The following STYXL2 variants were observed in gnomAD, a reference collection of about 807,000 sequenced individuals.
The protein encoded by STYXL2 is serine/threonine/tyrosine interacting like 2.
A neutral mutation model predicts 52.4 loss-of-function variants in STYXL2; 44 were observed. That is an observed-to-expected ratio of 0.84 (90% confidence interval 0.66 to 1.08). The LOEUF is 1.08. STYXL2 is among the 50% of genes least tolerant of loss of function. The pLI is 0.00. For synonymous variants in STYXL2, 604 were observed against 586.9 expected, an observed-to-expected ratio of 1.03 and a Z score of -0.42; for missense variants, 1,604 against 1,471.7, an observed-to-expected ratio of 1.09 and a Z score of -1.47.
At chr1:167,114,717 T>C (rs1479251239) in intron 3 of STYXL2, among the ~76,000 whole-genome samples, 1 of 152,158 alleles carries the variant, frequency 6.6e-6, no homozygotes, top group Non-Finnish European at 1.5e-5. Context: ...CTGGGCACTC[T>C]AGGAGGCCCC....
intron 5 of STYXL2, among the ~76,000 whole-genome samples, chr1:167,122,841 A>C (rs1667887456): frequency 1.3e-5 from 2 of 151,810 alleles, no homozygotes; most frequent in Admixed American, 1.3e-4. Context: ...TAATTTTTGT[A>C]TTTTCAGTAT....
At chr1:167,107,667 A>G (rs1018082785) in intron 2 of STYXL2, among the ~76,000 whole-genome samples, 4 of 152,368 alleles carry the variant, frequency 2.6e-5, no homozygotes, top group Middle Eastern at 3.4e-3. Context: ...GAAATTATCT[A>G]TGAAACATTT....
At chr1:167,098,684 C>T (rs764782603) in intron 2 of STYXL2, among the ~76,000 whole-genome samples, 1 of 152,136 alleles carries the variant, frequency 6.6e-6, no homozygotes, top group African/African-American at 2.4e-5. Context: ...GATTTGAAGA[C>T]TGGAGATGCC....
intron 2 of STYXL2, among the ~76,000 whole-genome samples, chr1:167,111,061 A>C (rs1395397131): frequency 6.6e-6 from 1 of 152,196 alleles, no homozygotes; most frequent in Admixed American, 6.5e-5. Flanking sequence ...CAAAGAAAAA[A>C]AGAATTTTTG....
intron 3 of STYXL2, among the ~76,000 whole-genome samples, chr1:167,114,441 G>A (rs941518374): frequency 1.3e-5 from 2 of 152,136 alleles, no homozygotes; most frequent in Non-Finnish European, 2.9e-5. Flanking sequence ...TCACAACTCT[G>A]GTGAGATGGG....
Position 167,127,166 on chromosome 1 carries a change from C to T in STYXL2, c.2035C>T (p.Leu679=), listed in dbSNP as rs771500645. The part of the protein sequence containing the change: ...VSADGDTTSV[L]STQSHRSHLS... Reference sequence around the variant, plus strand: ...CGCTGATGGGGACACGACGTCAGTACTGAGCACCCAGAGCCACCGCTCCCA... The same window carrying T: ...CGCTGATGGGGACACGACGTCAGTATTGAGCACCCAGAGCCACCGCTCCCA... Residue 679 remains leucine (L), a synonymous_variant, in exon 6 of 6, where the codon CTG becomes TTG. Coordinates refer to ENST00000361200, the MANE Select transcript of STYXL2 (RefSeq NM_001080426.3). 6.2e-7 allele frequency: 1 copy of T among 1,614,166 alleles called. No homozygotes were observed. The highest frequency in any genetic ancestry group is 1.1e-5 in the South Asian group (1 of 91,082).
At position 167,128,532 on chromosome 1, in the gene STYXL2, A is replaced by G; in HGVS notation, c.3401A>G (p.Asp1134Gly). Residue 1134 changes from aspartate to glycine, a missense_variant, in exon 6 of 6, where the codon GAT becomes GGT. Transcript: ENST00000361200. ...TDREEEEEMDDEAIIAAWRRR... is the reference protein window; with the variant it reads ...TDREEEEEMDGEAIIAAWRRR... ...AGGGAGGAAGAGGAAGAAATGGACG[A>G]TGAAGCCATCATTGCTGCTTGGAGA... The G allele has an allele frequency of 1.2e-6, 2 of 1,614,014 alleles. No homozygotes were observed. The highest frequency in any genetic ancestry group is 1.7e-6 in the Non-Finnish European group (2 of 1,180,028).
At chr1:167,109,931 T>G (rs1370850204) in intron 2 of STYXL2, among the ~76,000 whole-genome samples, 2 of 152,162 alleles carry the variant, frequency 1.3e-5, no homozygotes, top group Admixed American at 6.5e-5. Flanking sequence ...ACGAGTGCAG[T>G]AAACAAACCT....
At chr1:167,121,118 T>C (rs1228388352) in intron 5 of STYXL2, among the ~76,000 whole-genome samples, 1 of 151,584 alleles carries the variant, frequency 6.6e-6, no homozygotes, top group Non-Finnish European at 1.5e-5. Context: ...GTTCAAGCGA[T>C]TCTTCTGCCT....
chr1:167,098,200 C>A (rs189661554), intron 2 of STYXL2, among the ~76,000 whole-genome samples: 1 of 151,832 alleles, frequency 6.6e-6, no homozygotes, highest in Non-Finnish European at 1.5e-5. Flanking sequence ...TTAGTAGAGA[C>A]GGGGTTTCAC....
rs759998805 is a variant in STYXL2 at position 167,126,447 on chromosome 1, C to T, written c.1316C>T (p.Ala439Val). Reference protein sequence around the residue: ...RRRRTLSESSAWESVSSHDIW... With the variant: ...RRRRTLSESSVWESVSSHDIW... ...CGGCGCACCCTGAGCGAGAGCAGCG[C>T]CTGGGAGAGCGTGAGCAGCCACGAC... is the stretch of plus-strand genomic sequence containing the variant. The change falls in exon 6 of 6, where the codon GCC becomes GTC. Residue 439 changes from alanine (A) to valine (V), a missense_variant. Ala to Val is a moderately conservative substitution (Grantham distance 64). Transcript: ENST00000361200. The T allele has an allele frequency of 2.5e-6, 4 of 1,580,692 alleles. No individual in the cohort carries two copies. Among genetic ancestry groups the T allele is most frequent in the Non-Finnish European group, 1.7e-6 (2 of 1,163,962 alleles).
At chr1:167,103,039 C>A in intron 2 of STYXL2, among the ~76,000 whole-genome samples, 1 of 148,956 alleles carries the variant, frequency 6.7e-6, no homozygotes, top group African/African-American at 2.5e-5. Context: ...TCCAAAGACT[C>A]TAGGGAAGAC....
chr1:167,102,275 G>T lies in STYXL2; in HGVS notation c.110+7316G>T, dbSNP rs887063819. Among the ~76,000 whole-genome samples the T allele has an allele frequency of 4.0e-5, 6 of 150,768 alleles. No homozygotes were observed. In the South Asian group the frequency reaches 1.0e-3, roughly 26 times the overall value. On this transcript the variant is annotated intron_variant, in intron 2 of 5. Coordinates refer to ENST00000361200, the MANE Select transcript of STYXL2 (RefSeq NM_001080426.3). Reference sequence around the variant, plus strand: ...TGTATATTTTAAATTTGTGCAGTTTGTATATCAATAATAAAGCTGTTTTTT... The same window carrying T: ...TGTATATTTTAAATTTGTGCAGTTTTTATATCAATAATAAAGCTGTTTTTT...
intron 2 of STYXL2, among the ~76,000 whole-genome samples, chr1:167,105,793 A>G (rs930573951): frequency 6.6e-6 from 1 of 152,200 alleles, no homozygotes; most frequent in African/African-American, 2.4e-5. Context: ...TGTAATCTAC[A>G]TTGTACATTC....
At chr1:167,100,751 T>C (rs1667387049) in intron 2 of STYXL2, among the ~76,000 whole-genome samples, 1 of 152,218 alleles carries the variant, frequency 6.6e-6, no homozygotes, top group East Asian at 1.9e-4. Context: ...TCCTGTTGGT[T>C]TTAATGCGCT....
At chr1:167,123,020 A>G (rs983357163) in intron 5 of STYXL2, among the ~76,000 whole-genome samples, 3 of 152,212 alleles carry the variant, frequency 2.0e-5, no homozygotes, top group African/African-American at 4.8e-5. Context: ...CCCTGCTGGT[A>G]ATCAAAATGG....
intron 5 of STYXL2, 121 bp downstream of exon 5, chr1:167,119,587 T>G (rs1333157964): frequency 1.2e-6 from 1 of 810,772 alleles, no homozygotes; most frequent in Non-Finnish European, 1.9e-6. Context: ...GAAGGCTGTT[T>G]TCTCTAAGAA....
chr1:167,102,300 T>TTAA (rs1553247010), intron 2 of STYXL2, among the ~76,000 whole-genome samples: 2 of 113,458 alleles, frequency 1.8e-5, no homozygotes, highest in East Asian at 2.0e-4. Context: ...AGCTGTTTTT[T>TTAA]AAAAATATAT....
intron 2 of STYXL2, among the ~76,000 whole-genome samples, chr1:167,112,917 T>G (rs1268943744): frequency 1.3e-5 from 2 of 152,180 alleles, no homozygotes; most frequent in Non-Finnish European, 2.9e-5. Context: ...TCTGAACACC[T>G]GGAGAACAGG....
Sources: gnomAD v4.1 joint callset for allele counts (sites outside exome capture counted in the v4.1 genomes callset) on GRCh38, gnomAD v4.1.1 for gene constraint, MANE v1.5 for transcripts, NCBI Gene and HGNC (gene_info 2026-07-23, HGNC 2026-07-21) for gene names.